The following NLGN1 variants were observed in gnomAD, a reference collection of about 807,000 sequenced individuals.
The protein encoded by NLGN1 is neuroligin 1, also known as neuroligin-1.
NLGN1 carries 12 observed loss-of-function variants against 65.5 expected under a neutral mutation model. The observed-to-expected ratio is 0.18, with a 90% confidence interval of 0.12 to 0.30. NLGN1 has a LOEUF of 0.30. Ranked by LOEUF, NLGN1 falls within the 10% of genes least tolerant of loss-of-function variation. The pLI, the probability that NLGN1 is intolerant of heterozygous loss-of-function variation, is 1.00. For synonymous variants in NLGN1, 350 were observed against 359.5 expected, an observed-to-expected ratio of 0.97 and a Z score of 0.30; for missense variants, 750 against 1,007.1, an observed-to-expected ratio of 0.74 and a Z score of 3.46.
intron 3 of NLGN1, among the ~76,000 whole-genome samples, chr3:173,637,121 C>A (rs1756718535): frequency 6.6e-6 from 1 of 152,088 alleles, no homozygotes; most frequent in African/African-American, 2.4e-5. Flanking sequence ...TGATGTGGAA[C>A]ATTCTTTATT....
chr3:173,980,337 A>G (rs189132323), intron 4 of NLGN1, among the ~76,000 whole-genome samples: 1 of 152,192 alleles, frequency 6.6e-6, no homozygotes, highest in African/African-American at 2.4e-5. Flanking sequence ...ATCATAGTAT[A>G]TATAAAATAT....
chr3:173,840,441 G>A (rs1346685441), intron 4 of NLGN1, among the ~76,000 whole-genome samples: 1 of 152,164 alleles, frequency 6.6e-6, no homozygotes, highest in Non-Finnish European at 1.5e-5. Flanking sequence ...AAAGTGGAGA[G>A]TAATCACTGT....
At chr3:173,543,704 T>C (rs944544878) in intron 2 of NLGN1, among the ~76,000 whole-genome samples, 2 of 152,154 alleles carry the variant, frequency 1.3e-5, no homozygotes, top group Non-Finnish European at 2.9e-5. Flanking sequence ...ATGATTCTTT[T>C]ATTTATATGT....
intron 3 of NLGN1, among the ~76,000 whole-genome samples, chr3:173,639,127 T>A (rs1407007501): frequency 6.6e-6 from 1 of 152,212 alleles, no homozygotes; most frequent in Non-Finnish European, 1.5e-5. Flanking sequence ...TTTCACTATG[T>A]TTGCTTCCTC....
At chr3:174,125,899 A>G (rs1296840508) in intron 4 of NLGN1, among the ~76,000 whole-genome samples, 1 of 152,122 alleles carries the variant, frequency 6.6e-6, no homozygotes, top group Non-Finnish European at 1.5e-5. Context: ...AGTCATAAAA[A>G]GAAGAAAATA....
At chr3:173,836,999 A>G (rs1285921587) in intron 4 of NLGN1, among the ~76,000 whole-genome samples, 2 of 152,188 alleles carry the variant, frequency 1.3e-5, no homozygotes, top group Admixed American at 6.5e-5. Context: ...GAAAAACACT[A>G]TAATATGTGT....
intron 4 of NLGN1, among the ~76,000 whole-genome samples, chr3:173,962,863 A>G (rs143361530): frequency 6.6e-6 from 1 of 152,142 alleles, no homozygotes; most frequent in Non-Finnish European, 1.5e-5. Context: ...GCTGGGATCT[A>G]TTATATTGAG....
At chr3:174,230,090 A>G (rs1740418608) in intron 4 of NLGN1, among the ~76,000 whole-genome samples, 1 of 152,186 alleles carries the variant, frequency 6.6e-6, no homozygotes, top group African/African-American at 2.4e-5. Context: ...AGGTCCATAT[A>G]TGGCAGTGTG....
intron 4 of NLGN1, among the ~76,000 whole-genome samples, chr3:173,971,104 T>C: frequency 6.6e-6 from 1 of 152,030 alleles, no homozygotes; most frequent in Admixed American, 6.6e-5. Flanking sequence ...GGTGAAAAAC[T>C]GCGTGCATTC....
rs148989276 is a variant in NLGN1 at position 173,610,753 on chromosome 3, G to A, written c.493+5662G>A. On this transcript the variant is annotated intron_variant, in intron 3 of 6. Coordinates refer to ENST00000457714, the Ensembl canonical transcript of NLGN1. ...GCCAAATTAACTTTTGTGGGGTGGT[G>A]TGGGTTTTACACACTGGAGTGTGTC... 1.1e-4 allele frequency among the ~76,000 whole-genome samples: 17 copies of A among 152,014 alleles called. No homozygotes were observed. In the East Asian group the frequency reaches 3.1e-3, roughly 28 times the overall value.
chr3:174,226,136 CAT>C (rs1739639207), intron 4 of NLGN1, among the ~76,000 whole-genome samples: 1 of 151,956 alleles, frequency 6.6e-6, no homozygotes, highest in South Asian at 2.1e-4. Flanking sequence ...GATTAGGAAA[CAT>C]ATGGCTGGAA....
At chr3:173,767,974 C>T (rs1779017397) in intron 3 of NLGN1, among the ~76,000 whole-genome samples, 1 of 151,802 alleles carries the variant, frequency 6.6e-6, no homozygotes, top group African/African-American at 2.4e-5. Flanking sequence ...ATATAAAAAT[C>T]AATTTAATTT....
intron 3 of NLGN1, among the ~76,000 whole-genome samples, chr3:173,715,218 G>A (rs1769647051): frequency 6.6e-6 from 1 of 152,090 alleles, no homozygotes; most frequent in Admixed American, 6.6e-5. Flanking sequence ...CTTTTCACTT[G>A]TTTTCCTGAG....
chr3:173,763,876 C>G (rs113562193), intron 3 of NLGN1, among the ~76,000 whole-genome samples: 2,039 of 152,168 alleles, frequency 0.013, 49 homozygotes, highest in African/African-American at 0.046. Flanking sequence ...CCTCACAACC[C>G]ACTTACCCTT....
chr3:173,558,828 ATTTTC>A (rs1014880463), intron 2 of NLGN1, among the ~76,000 whole-genome samples: 1 of 152,016 alleles, frequency 6.6e-6, no homozygotes, highest in African/African-American at 2.4e-5. Context: ...ATATCTCATA[ATTTTC>A]TTTTGTATCC....
At chr3:174,158,944 A>C (rs182319115) in intron 4 of NLGN1, among the ~76,000 whole-genome samples, 2 of 151,550 alleles carry the variant, frequency 1.3e-5, no homozygotes, top group Non-Finnish European at 3.0e-5. Context: ...AGTGCACTCA[A>C]CTTTTTTTCA....
At chr3:173,641,845 A>G (rs1182218994) in intron 3 of NLGN1, among the ~76,000 whole-genome samples, 1 of 152,198 alleles carries the variant, frequency 6.6e-6, no homozygotes, top group Non-Finnish European at 1.5e-5. Context: ...TGGAACAGCT[A>G]TGCTCTGTTG....
intron 2 of NLGN1, among the ~76,000 whole-genome samples, chr3:173,543,344 C>T (rs1739209183): frequency 6.6e-6 from 1 of 152,074 alleles, no homozygotes; most frequent in South Asian, 2.1e-4. Flanking sequence ...ACTTGGATGT[C>T]GGGCTTCCCT....
At chr3:173,539,765 A>G (rs555870965) in intron 2 of NLGN1, among the ~76,000 whole-genome samples, 2 of 114,558 alleles carry the variant, frequency 1.7e-5, no homozygotes, top group East Asian at 2.8e-4. Flanking sequence ...ATATACATGT[A>G]CATATATAAC....
Sources: gnomAD v4.1 joint callset for allele counts (sites outside exome capture counted in the v4.1 genomes callset) on GRCh38, gnomAD v4.1.1 for gene constraint, MANE v1.5 for transcripts, NCBI Gene and HGNC (gene_info 2026-07-23, HGNC 2026-07-21) for gene names.